PTPRF: variants seen among roughly 807,000 people sequenced by gnomAD.
PTPRF encodes the protein protein tyrosine phosphatase receptor type F, also known as receptor-type tyrosine-protein phosphatase F.
PTPRF carries 59 observed loss-of-function variants against 201.8 expected under a neutral mutation model. The observed-to-expected ratio is 0.29, with a 90% CI of 0.24 to 0.36. The LOEUF is 0.36. PTPRF is among the 10% of genes least tolerant of loss of function. The pLI is 1.00. For synonymous variants in PTPRF, 1,088 were observed against 1,089.7 expected (o/e 1.00, Z 0.03); for missense variants, 2,132 against 2,690.5 (o/e 0.79, Z 4.59).
chr1:43,591,152 G>C lies in PTPRF; in HGVS notation c.1130G>C (p.Gly377Ala). ...DGVATTRYSI[G>A]GLSPFSEYAF... ...GTGGCCACCACCCGCTACAGCATTG[G>C]CGGCCTCAGCCCTTTCTCGGAATAT... Residue 377 changes from glycine (G) to alanine (A), a missense_variant, in exon 9 of 34, where the codon GGC becomes GCC. Transcript: ENST00000359947. 1 of 1,613,410 alleles carries C rather than the reference G, an allele frequency of 6.2e-7. No homozygotes were observed. The highest frequency in any genetic ancestry group is 8.5e-7 in the Non-Finnish European group (1 of 1,180,006).
chr1:43,586,241 G>A (rs1442473041), intron 7 of PTPRF, among the ~76,000 whole-genome samples: 1 of 152,162 alleles, frequency 6.6e-6, no homozygotes, highest in African/African-American at 2.4e-5. Flanking sequence ...CCCACTGGCC[G>A]AGAGGACAGG....
intron 11 of PTPRF, among the ~76,000 whole-genome samples, chr1:43,596,131 G>A (rs1652206159): frequency 6.6e-6 from 1 of 152,180 alleles, no homozygotes; most frequent in African/African-American, 2.4e-5. Context: ...GACCGTGGAA[G>A]CTGAACATGG....
At chr1:43,552,019 G>T (rs1569759936) in intron 3 of PTPRF, among the ~76,000 whole-genome samples, 1 of 152,024 alleles carries the variant, frequency 6.6e-6, no homozygotes, top group Middle Eastern at 3.4e-3. Context: ...TGCCCCATCT[G>T]CCGTCCCTTC....
intron 22 of PTPRF, among the ~76,000 whole-genome samples, chr1:43,611,893 C>T (rs779933919): frequency 1.3e-5 from 2 of 152,120 alleles, no homozygotes; most frequent in Non-Finnish European, 2.9e-5. Context: ...GACTTCTGAG[C>T]TGACATCAGG....
intron 5 of PTPRF, among the ~76,000 whole-genome samples, chr1:43,563,734 G>GA (rs1645968606): frequency 6.6e-6 from 1 of 152,224 alleles, no homozygotes; most frequent in African/African-American, 2.4e-5. Flanking sequence ...TGAGAAGTGA[G>GA]AGGGAGGCTA....
chr1:43,570,283 C>T lies in PTPRF; in HGVS notation c.568+505C>T, dbSNP rs533125301. Among the ~76,000 whole-genome samples the T allele has an allele frequency of 5.3e-5, 8 of 152,338 alleles. No homozygotes were observed. The South Asian group carries it at 1.4e-3, about 28-fold the overall frequency. On this transcript the variant is annotated intron_variant, in intron 6 of 33. Transcript: ENST00000359947. ...GCCACCTGTCTCCTCTGGATGTCTC[C>T]GTCGAGCCAGCTCGGAGCCCTGGGA...
chr1:43,546,775 G>C lies in PTPRF; in HGVS notation c.91+1609G>C, dbSNP rs370743074. 6.6e-6 allele frequency among the ~76,000 whole-genome samples: 1 copy of C among 152,014 alleles called. No homozygotes were observed. Among genetic ancestry groups the C allele is most frequent in the East Asian group, 1.9e-4 (1 of 5,190 alleles). On this transcript the variant is annotated intron_variant, in intron 3 of 33. Transcript: ENST00000359947. The surrounding 1 kb of genome is among the most constrained non-coding windows in gnomAD (Gnocchi z 4.2). ...CTTCCCGTGTTCTCTCCCGTGAAAGGCATTACCACCCACCCGGTCACCCAA... is the reference window on the plus strand; with the variant it reads ...CTTCCCGTGTTCTCTCCCGTGAAAGCCATTACCACCCACCCGGTCACCCAA...
chr1:43,595,168 G>T (rs940325977), intron 11 of PTPRF, among the ~76,000 whole-genome samples: 38 of 152,152 alleles, frequency 2.5e-4, no homozygotes, highest in African/African-American at 8.4e-4. Context: ...TGGCTAGAGA[G>T]GGCCGTGGAG....
intron 7 of PTPRF, among the ~76,000 whole-genome samples, chr1:43,581,109 G>A (rs1261474880): frequency 6.6e-6 from 1 of 152,240 alleles, no homozygotes; most frequent in African/African-American, 2.4e-5. Flanking sequence ...TGCCCAGGGA[G>A]CTCTTATGTG....
chr1:43,617,399 A>C lies in PTPRF; in HGVS notation c.4072-46A>C, dbSNP rs769927503. 3 of 1,612,430 alleles carry C rather than the reference A, an allele frequency of 1.9e-6. No individual in the cohort carries two copies. The South Asian group carries it at 3.3e-5, about 18-fold the overall frequency. ...GGTCCCCTGCAGGAGAAGCAGGTCAACCTTGGCTCTTACCCCACCCCACCC... is the reference window on the plus strand; with the variant it reads ...GGTCCCCTGCAGGAGAAGCAGGTCACCCTTGGCTCTTACCCCACCCCACCC... On this transcript the variant is annotated intron_variant, in intron 23 of 33. Transcript: ENST00000359947.
At chr1:43,604,718 G>C (rs994914505) in intron 16 of PTPRF, among the ~76,000 whole-genome samples, 185 bp from the exon 17 acceptor site, 1 of 152,176 alleles carries the variant, frequency 6.6e-6, no homozygotes, top group Non-Finnish European at 1.5e-5. Flanking sequence ...GGAAGAGCTT[G>C]GGCTGGGAGT....
rs1335148122 is a variant in PTPRF at position 43,588,942 on chromosome 1, C to T, written c.891C>T (p.Thr297=). ...LSNVVRSANY[T]CVAISSLGMI... is the part of the protein sequence containing the mutation. ...ATGTCGTACGCTCTGCCAACTACAC[C>T]TGTGTGGCCATCTCCTCGCTGGGCA... The change falls in exon 8 of 34, where the codon ACC becomes ACT. Residue 297 remains threonine (T), a synonymous_variant. Transcript: ENST00000359947. The surrounding 1 kb of genome is among the most constrained non-coding windows in gnomAD (Gnocchi z 5.3). 2.5e-6 allele frequency: 4 copies of T among 1,594,838 alleles called. No homozygotes were observed. The highest frequency in any genetic ancestry group is 2.6e-6 in the Non-Finnish European group (3 of 1,166,332).
In PTPRF at chr1:43,590,854, G is replaced by C. The variant is rs965346811; in HGVS notation, c.950-118G>C. The C allele has an allele frequency of 8.4e-6, 8 of 949,196 alleles. No homozygotes were observed. In the South Asian group the frequency reaches 1.3e-4, roughly 15 times the overall value. The allele number at this position is 949,196 out of a possible 1,614,324, so 58.8% of individuals were successfully genotyped here. On this transcript the variant is annotated intron_variant, in intron 8 of 33. Coordinates refer to ENST00000359947, the MANE Select transcript of PTPRF (RefSeq NM_002840.5). ...TTCCAGCCATTTTTCAAGGTAGGCT[G>C]TGGGTATCAGCCACACTCAGGTGAC...
chr1:43,609,977 TCTC>T (rs1299832720), intron 22 of PTPRF, among the ~76,000 whole-genome samples: 1 of 152,090 alleles, frequency 6.6e-6, no homozygotes, highest in African/African-American at 2.4e-5. Flanking sequence ...ACCTGCCCCT[TCTC>T]CTAGCCACTC....
intron 6 of PTPRF, among the ~76,000 whole-genome samples, chr1:43,578,202 C>G (rs1647059453): frequency 6.6e-6 from 1 of 152,174 alleles, no homozygotes; most frequent in South Asian, 2.1e-4. Context: ...AGCACTTTAG[C>G]AGGACCGGGC....
At chr1:43,534,331 T>C (rs1190740231) in intron 1 of PTPRF, among the ~76,000 whole-genome samples, 1 of 152,172 alleles carries the variant, frequency 6.6e-6, no homozygotes, top group African/African-American at 2.4e-5. Flanking sequence ...AGGTTTATGT[T>C]TCCAGAAAAT....
chr1:43,613,513 A>G (rs1570666374), intron 22 of PTPRF, 105 bp from the exon 23 acceptor site: 2 of 932,492 alleles, frequency 2.1e-6, no homozygotes, highest in South Asian at 2.8e-5. Context: ...CAAGTGCTCC[A>G]TGGTCACACA....
In PTPRF at chr1:43,591,477, C is replaced by T. The variant is rs112662956; in HGVS notation, c.1455C>T (p.Ser485=). 1,633 of 1,598,526 alleles carry T rather than the reference C, an allele frequency of 1.0e-3. 23 individuals are homozygous for T. The African/African-American group carries it at 0.019, about 19-fold the overall frequency. ...VGSLLPGITY[S]LRVLAFTAVG... ...GCCTGCTGCCTGGCATCACCTACAG[C>T]CTGCGCGTGCTTGCCTTCACCGCCG... Residue 485 remains serine (S), a synonymous_variant, in exon 9 of 34, where the codon AGC becomes AGT. Transcript: ENST00000359947.
rs1487864307 is a variant in PTPRF at position 43,598,907 on chromosome 1, G to A, written c.2307G>A (p.Glu769=). 6.2e-7 allele frequency: 1 copy of A among 1,613,264 alleles called. No individual in the cohort carries two copies. Among genetic ancestry groups the A allele is most frequent in the South Asian group, 1.1e-5 (1 of 91,026 alleles). The part of the protein sequence containing the change: ...LPIIQDVMLA[E]AQWRPEESED... ...TCATCCAAGACGTCATGCTAGCCGA[G>A]GCCCAGGTGCAGCATTGGGTGGTGG... The change falls in exon 13 of 34, where the codon GAG becomes GAA. Residue 769 remains glutamate, a synonymous_variant. Transcript: ENST00000359947.
Sources: gnomAD v4.1 joint callset for allele counts (sites outside exome capture counted in the v4.1 genomes callset) on GRCh38, gnomAD v4.1.1 for gene constraint, Gnocchi (gnomAD v3.1) non-coding constraint, MANE v1.5 for transcripts, NCBI Gene and HGNC (gene_info 2026-07-23, HGNC 2026-07-21) for gene names.